Variants in PSMD14 observed in about 807,000 individuals in gnomAD.
PSMD14 encodes ubiquitin C-terminal hydrolase PSMD14.
Under a neutral mutation model 41.2 loss-of-function variants are expected in PSMD14, and 7 were observed. That is an observed-to-expected ratio of 0.17 (90% CI 0.10 to 0.32). The LOEUF is 0.32. PSMD14 is among the 10% of genes least tolerant of loss of function. The pLI is 1.00. For synonymous variants in PSMD14, 114 were observed against 122.3 expected, an observed-to-expected ratio of 0.93 and a Z score of 0.45; for missense variants, 139 against 375.6, an observed-to-expected ratio of 0.37 and a Z score of 5.21.
Position 161,395,179 on chromosome 2 carries a change from G to A in PSMD14, c.747G>A (p.Leu249=). Residue 249 remains leucine, a synonymous_variant, in exon 10 of 12, where the codon TTG becomes TTA. Coordinates refer to ENST00000409682, the MANE Select transcript of PSMD14 (RefSeq NM_005805.6). ...KHNESVVKEM[L]ELAKNYNKAV... The stretch of plus-strand genomic sequence containing the variant: ...ATGAATCAGTGGTAAAAGAGATGTT[G>A]GAATTAGCCAAGAATTACAATAAGG... The A allele has an allele frequency of 6.3e-7, 1 of 1,590,962 alleles. No homozygotes were observed. The highest frequency in any genetic ancestry group is 8.6e-7 in the Non-Finnish European group (1 of 1,169,088).
chr2:161,399,095 T>C (rs775193791), intron 10 of PSMD14, among the ~76,000 whole-genome samples: 4 of 152,056 alleles, frequency 2.6e-5, no homozygotes, highest in African/African-American at 9.7e-5. Flanking sequence ...TATTCAGGAA[T>C]TAACCATCAC....
intron 3 of PSMD14, among the ~76,000 whole-genome samples, chr2:161,351,368 A>G (rs930644180): frequency 1.7e-4 from 26 of 152,184 alleles, no homozygotes; most frequent in African/African-American, 5.6e-4. Flanking sequence ...TAGAATTTCT[A>G]TCCTTCATGA....
chr2:161,334,033 A>G (rs1160846035), intron 3 of PSMD14, among the ~76,000 whole-genome samples: 2 of 151,818 alleles, frequency 1.3e-5, no homozygotes, highest in Non-Finnish European at 2.9e-5. Flanking sequence ...CATCTCAAAA[A>G]GAAACAAAAA....
chr2:161,313,789 G>A (rs529438633), intron 1 of PSMD14, among the ~76,000 whole-genome samples: 1 of 152,184 alleles, frequency 6.6e-6, no homozygotes, highest in Non-Finnish European at 1.5e-5. Context: ...CTTGTCTTGT[G>A]TAGATCAGTT....
chr2:161,397,843 A>T (rs1683822961), intron 10 of PSMD14, among the ~76,000 whole-genome samples: 1 of 152,164 alleles, frequency 6.6e-6, no homozygotes, highest in Non-Finnish European at 1.5e-5. Flanking sequence ...AATATTTCTT[A>T]TCTTTCTAGT....
At chr2:161,344,907 GTCT>G (rs1219422967) in intron 3 of PSMD14, among the ~76,000 whole-genome samples, 1 of 152,300 alleles carries the variant, frequency 6.6e-6, no homozygotes, top group South Asian at 2.1e-4. Context: ...CAATGAATCA[GTCT>G]TCTTCTCTTT....
At chr2:161,311,273 C>T (rs1689084065) in intron 1 of PSMD14, among the ~76,000 whole-genome samples, 1 of 152,016 alleles carries the variant, frequency 6.6e-6, no homozygotes, top group Non-Finnish European at 1.5e-5. Context: ...TGCGACACTA[C>T]ACTCCAGCCT....
chr2:161,322,454 A>ATC (rs1386678685), intron 3 of PSMD14, among the ~76,000 whole-genome samples: 1 of 152,052 alleles, frequency 6.6e-6, no homozygotes, highest in Non-Finnish European at 1.5e-5. Flanking sequence ...CAGTGGTATG[A>ATC]TCTCAGCTCA....
At chr2:161,319,754 A>C (rs577904674) in intron 3 of PSMD14, among the ~76,000 whole-genome samples, 1 of 152,176 alleles carries the variant, frequency 6.6e-6, no homozygotes, top group East Asian at 1.9e-4. Context: ...TGTGTTTACT[A>C]TAAGAAGCAG....
At chr2:161,375,732 A>G (rs1683493964) in intron 7 of PSMD14, among the ~76,000 whole-genome samples, 1 of 151,964 alleles carries the variant, frequency 6.6e-6, no homozygotes, top group Non-Finnish European at 1.5e-5. Context: ...AAATACAGGA[A>G]GAAAGTTAGG....
intron 10 of PSMD14, among the ~76,000 whole-genome samples, chr2:161,395,827 G>A (rs1004980766): frequency 2.6e-5 from 4 of 152,114 alleles, no homozygotes; most frequent in South Asian, 4.1e-4. Context: ...TTTATTTATA[G>A]GAAAACAGGA....
intron 6 of PSMD14, 58 bp from the exon 7 acceptor site, chr2:161,371,114 A>G (rs1463765641): frequency 3.9e-6 from 6 of 1,535,344 alleles, no homozygotes; most frequent in Middle Eastern, 1.7e-4. Context: ...GTTTCTTTTC[A>G]TATCATAAAT....
chr2:161,347,166 T>C (rs1683056760), intron 3 of PSMD14, among the ~76,000 whole-genome samples: 1 of 152,174 alleles, frequency 6.6e-6, no homozygotes, highest in South Asian at 2.1e-4. Context: ...ATTTTGGAGA[T>C]CGTTGTTCTT....
chr2:161,335,730 TC>T (rs1262908926), intron 3 of PSMD14, among the ~76,000 whole-genome samples: 1 of 152,254 alleles, frequency 6.6e-6, no homozygotes, highest in Non-Finnish European at 1.5e-5. Context: ...GAGGATAAAT[TC>T]CTAGGAGTGG....
intron 1 of PSMD14, among the ~76,000 whole-genome samples, chr2:161,310,856 T>G (rs1185329007): frequency 1.3e-5 from 2 of 152,188 alleles, no homozygotes; most frequent in Non-Finnish European, 2.9e-5. Context: ...CTTTACATAT[T>G]TTTTATGGGT....
chr2:161,378,023 A>G (rs1384097532), intron 7 of PSMD14, among the ~76,000 whole-genome samples: 5 of 152,078 alleles, frequency 3.3e-5, no homozygotes, highest in African/African-American at 9.6e-5. Flanking sequence ...TAATTTTTAA[A>G]GATCACATTC....
intron 8 of PSMD14, 101 bp downstream of exon 8, chr2:161,385,672 T>A (rs1683625223): frequency 3.4e-6 from 2 of 593,518 alleles, no homozygotes; most frequent in Non-Finnish European, 5.5e-6. Flanking sequence ...TTAATTTGCT[T>A]GCAAATTAAT....
intron 3 of PSMD14, among the ~76,000 whole-genome samples, chr2:161,330,945 C>A (rs1682781312): frequency 6.6e-6 from 1 of 152,100 alleles, no homozygotes; most frequent in African/African-American, 2.4e-5. Flanking sequence ...GTAAACGGAG[C>A]CTGAGTTATT....
At chr2:161,409,873 A>C (rs1054410768) in intron 11 of PSMD14, among the ~76,000 whole-genome samples, 2 of 152,084 alleles carry the variant, frequency 1.3e-5, no homozygotes, top group South Asian at 4.2e-4. Context: ...TTCTCATCTT[A>C]TGTGATATCA....
Sources: allele counts gnomAD v4.1 joint callset (sites outside exome capture counted in the v4.1 genomes callset), GRCh38; gene constraint gnomAD v4.1.1; transcripts MANE v1.5; gene names NCBI Gene and HGNC (gene_info 2026-07-23, HGNC 2026-07-21).